CSNK1G1: variants seen among roughly 807,000 people sequenced by gnomAD.
CSNK1G1 encodes casein kinase 1 gamma 1.
CSNK1G1 carries 22 observed loss-of-function variants against 59.6 expected under a neutral mutation model. That is an observed-to-expected ratio of 0.37 (90% confidence interval 0.26 to 0.53). CSNK1G1 has a LOEUF of 0.53. Ranked by LOEUF, CSNK1G1 falls within the 20% of genes least tolerant of loss-of-function variation. CSNK1G1 has a pLI of 0.89. For missense variants in CSNK1G1, 384 were observed against 519.5 expected, an observed-to-expected ratio of 0.74 and a Z score of 2.54; for synonymous variants, 179 against 177.1, an observed-to-expected ratio of 1.01 and a Z score of -0.08.
chr15:64,296,772 G>A (rs1337850050), intron 2 of CSNK1G1, among the ~76,000 whole-genome samples: 1 of 151,830 alleles, frequency 6.6e-6, no homozygotes, highest in African/African-American at 2.4e-5. Flanking sequence ...GCTGAGACAG[G>A]AGAATCACTT....
chr15:64,190,631 C>T (rs2140227708), intron 10 of CSNK1G1, among the ~76,000 whole-genome samples: 1 of 152,154 alleles, frequency 6.6e-6, no homozygotes, highest in African/African-American at 2.4e-5. Flanking sequence ...TCAGGCTGGT[C>T]TTGAACTCCC....
At chr15:64,234,856 A>C (rs988969355) in intron 4 of CSNK1G1, among the ~76,000 whole-genome samples, 1 of 152,146 alleles carries the variant, frequency 6.6e-6, no homozygotes, top group Non-Finnish European at 1.5e-5. Flanking sequence ...AGCTGACCCA[A>C]GATGGGTCAG....
chr15:64,295,216 C>G (rs990991689), intron 2 of CSNK1G1, among the ~76,000 whole-genome samples: 2 of 152,184 alleles, frequency 1.3e-5, no homozygotes, highest in African/African-American at 2.4e-5. Context: ...TATTTACTAT[C>G]TCAATTAACT....
intron 1 of CSNK1G1, among the ~76,000 whole-genome samples, chr15:64,352,454 T>TTTTTTTTTTTTTTTTTTTTTTTG (rs1898358558): frequency 7.6e-6 from 1 of 130,860 alleles, no homozygotes; most frequent in Non-Finnish European, 1.7e-5. Flanking sequence ...CTTCTTTTTT[T>TTTTTTTTTTTTTTTTTTTTTTTG]TTTTTTTTTT....
At chr15:64,227,808 T>C (rs2082482422) in intron 4 of CSNK1G1, among the ~76,000 whole-genome samples, 1 of 152,200 alleles carries the variant, frequency 6.6e-6, no homozygotes, top group Admixed American at 6.5e-5. Flanking sequence ...GGTTCCCAAA[T>C]AATACAACCA....
rs564268980 is a variant in CSNK1G1 at position 64,179,173 on chromosome 15, G to A, written c.1214+1175C>T. ...AGGCAGGAGGATCACTTGAGCTTGG[G>A]GAATAGAGGCTGCAGTTAGCCATGA... On this transcript the variant is annotated intron_variant, in intron 11 of 11. Coordinates refer to ENST00000303052, the MANE Select transcript of CSNK1G1 (RefSeq NM_022048.5). Among the ~76,000 whole-genome samples the A allele has an allele frequency of 1.2e-4, 17 of 141,180 alleles. No homozygotes were observed. The East Asian group carries it at 3.1e-3, about 26-fold the overall frequency. 92.6% of individuals were successfully genotyped at this position (141,180 alleles called of 152,430 possible).
intron 10 of CSNK1G1, among the ~76,000 whole-genome samples, chr15:64,198,211 TTTTTTG>T (rs1020525861): frequency 6.7e-6 from 1 of 149,224 alleles, no homozygotes; most frequent in African/African-American, 2.5e-5. Flanking sequence ...TTTTTTTTTT[TTTTTTG>T]AAACAAAGTC....
intron 2 of CSNK1G1, among the ~76,000 whole-genome samples, chr15:64,270,099 C>T (rs1187363610): frequency 1.3e-5 from 2 of 152,206 alleles, no homozygotes; most frequent in African/African-American, 4.8e-5. Flanking sequence ...TGAGCCACCA[C>T]ACCTGGCCTC....
intron 1 of CSNK1G1, among the ~76,000 whole-genome samples, chr15:64,320,880 T>C (rs1427067760): frequency 1.3e-5 from 2 of 152,068 alleles, no homozygotes; most frequent in Non-Finnish European, 2.9e-5. Context: ...GTTCTTAAAG[T>C]GAAATATGGC....
chr15:64,301,116 A>G (rs1368703639), intron 1 of CSNK1G1, among the ~76,000 whole-genome samples: 1 of 152,234 alleles, frequency 6.6e-6, no homozygotes, highest in Non-Finnish European at 1.5e-5. Flanking sequence ...GCCAAAACTT[A>G]TAAGAAATTA....
chr15:64,190,099 C>T (rs1394954975), intron 10 of CSNK1G1, among the ~76,000 whole-genome samples: 2 of 152,082 alleles, frequency 1.3e-5, no homozygotes, highest in African/African-American at 4.8e-5. Context: ...GGATTACAGG[C>T]GTGAGCCACC....
At chr15:64,301,919 A>C (rs1483737350) in intron 1 of CSNK1G1, among the ~76,000 whole-genome samples, 2 of 152,096 alleles carry the variant, frequency 1.3e-5, no homozygotes, top group East Asian at 3.9e-4. Context: ...AGAAAACTTA[A>C]GAGAATTAGA....
At chr15:64,258,806 T>C (rs1048632956) in intron 3 of CSNK1G1, among the ~76,000 whole-genome samples, 11 of 152,164 alleles carry the variant, frequency 7.2e-5, no homozygotes, top group African/African-American at 2.2e-4. Flanking sequence ...CATGATTAGA[T>C]GATCAGTTAT....
At chr15:64,285,421 C>T (rs1894355461) in intron 2 of CSNK1G1, among the ~76,000 whole-genome samples, 1 of 152,050 alleles carries the variant, frequency 6.6e-6, no homozygotes, top group African/African-American at 2.4e-5. Flanking sequence ...TTAGAATTAT[C>T]CTAAACCTGT....
intron 1 of CSNK1G1, among the ~76,000 whole-genome samples, chr15:64,347,649 C>T (rs1024034204): frequency 1.4e-5 from 2 of 145,404 alleles, no homozygotes; most frequent in African/African-American, 2.5e-5. Flanking sequence ...GGAAAATGTA[C>T]AGAAAAGAAA....
At chr15:64,249,776 C>G (rs1891972523) in intron 4 of CSNK1G1, among the ~76,000 whole-genome samples, 1 of 152,202 alleles carries the variant, frequency 6.6e-6, no homozygotes, top group African/African-American at 2.4e-5. Flanking sequence ...CAAGAGCTTG[C>G]AATTTTCTGT....
At chr15:64,180,569 A>G (rs2081800146) in intron 10 of CSNK1G1, 115 bp from the exon 11 acceptor site, 2 of 787,828 alleles carry the variant, frequency 2.5e-6, no homozygotes, top group Admixed American at 4.1e-5. Flanking sequence ...TCCTGGGTTA[A>G]GGGATCAATT....
chr15:64,303,004 T>C (rs1417791348), intron 1 of CSNK1G1, among the ~76,000 whole-genome samples: 1 of 152,124 alleles, frequency 6.6e-6, no homozygotes, highest in Non-Finnish European at 1.5e-5. Flanking sequence ...TAATCACACA[T>C]AGCCCTCATT....
chr15:64,194,466 C>T (rs1249397457), intron 10 of CSNK1G1, among the ~76,000 whole-genome samples: 2 of 150,942 alleles, frequency 1.3e-5, no homozygotes, highest in African/African-American at 4.9e-5. Flanking sequence ...CTAAGCATAA[C>T]AGCACAAAGC....
Sources: allele counts gnomAD v4.1 joint callset (sites outside exome capture counted in the v4.1 genomes callset), GRCh38; gene constraint gnomAD v4.1.1; transcripts MANE v1.5; gene names NCBI Gene and HGNC (gene_info 2026-07-23, HGNC 2026-07-21).